Variants in CDH13 observed in about 807,000 individuals in gnomAD.
CDH13 encodes the protein cadherin 13, also known as cadherin-13.
CDH13 carries 24 observed loss-of-function variants against 63.8 expected under a neutral mutation model. That is an observed-to-expected ratio of 0.38 (90% confidence interval 0.27 to 0.53). The LOEUF is 0.53. Ranked by LOEUF, CDH13 falls within the 20% of genes least tolerant of loss-of-function variation. The pLI is 0.85. For synonymous variants in CDH13, 503 were observed against 355.3 expected (o/e 1.42, Z -4.67); for missense variants, 1,049 against 903.1 (o/e 1.16, Z -2.07).
intron 9 of CDH13, among the ~76,000 whole-genome samples, chr16:83,675,436 C>T (rs1242359173): frequency 2.6e-5 from 4 of 152,204 alleles, no homozygotes; most frequent in African/African-American, 4.8e-5. Context: ...TCCTGCATGG[C>T]ATAGTTCCTC....
At chr16:83,152,738 T>C (rs1280657048) in intron 4 of CDH13, among the ~76,000 whole-genome samples, 2 of 152,236 alleles carry the variant, frequency 1.3e-5, no homozygotes, top group Non-Finnish European at 2.9e-5. Flanking sequence ...AACCCATGTG[T>C]TGAAGTCCTA....
intron 6 of CDH13, among the ~76,000 whole-genome samples, chr16:83,381,088 C>G (rs546702529): frequency 2.6e-5 from 4 of 152,142 alleles, no homozygotes; most frequent in Admixed American, 6.5e-5. Flanking sequence ...CTTTCTTGTT[C>G]CAGGAAACAT....
chr16:83,545,564 A>G (rs2075372548), intron 7 of CDH13, among the ~76,000 whole-genome samples: 2 of 152,136 alleles, frequency 1.3e-5, no homozygotes, highest in South Asian at 2.1e-4. Flanking sequence ...CCTCCAGTCC[A>G]TTACCCTTGC....
At chr16:82,780,477 ACT>A (rs948967214) in intron 1 of CDH13, among the ~76,000 whole-genome samples, 1 of 151,998 alleles carries the variant, frequency 6.6e-6, no homozygotes, top group Non-Finnish European at 1.5e-5. Flanking sequence ...TTTTCAACTG[ACT>A]CTTCCCCTCT....
Position 83,351,065 on chromosome 16 carries a change from G to A in CDH13, c.781+6059G>A, listed in dbSNP as rs140249880. Reference sequence around the variant, plus strand: ...TAGTTGATATTTGACACCTAGCTCAGCCGATGGTGTTCAGGTTGTTGCTAT... The same window carrying A: ...TAGTTGATATTTGACACCTAGCTCAACCGATGGTGTTCAGGTTGTTGCTAT... On this transcript the variant is annotated intron_variant, in intron 6 of 13. Coordinates refer to ENST00000567109, the MANE Select transcript of CDH13 (RefSeq NM_001257.5). 1.1e-3 allele frequency among the ~76,000 whole-genome samples: 175 copies of A among 152,316 alleles called. 2 individuals are homozygous for A. The highest frequency in any genetic ancestry group is 4.8e-3 in the South Asian group (23 of 4,822).
At chr16:83,006,932 G>GTTT (rs369288331) in intron 2 of CDH13, among the ~76,000 whole-genome samples, 1,611 of 121,732 alleles carry the variant, frequency 0.013, 35 homozygotes, top group Non-Finnish European at 0.019. Flanking sequence ...TTGTTTGTTT[G>GTTT]TTTTTTTTGA....
At chr16:83,716,145 T>C (rs1199403066) in intron 10 of CDH13, among the ~76,000 whole-genome samples, 1 of 152,120 alleles carries the variant, frequency 6.6e-6, no homozygotes, top group South Asian at 2.1e-4. Context: ...CACAGCAAAA[T>C]TGAGCAGAAG....
intron 2 of CDH13, among the ~76,000 whole-genome samples, chr16:82,930,873 C>T (rs1240266449): frequency 6.6e-6 from 1 of 152,166 alleles, no homozygotes; most frequent in Non-Finnish European, 1.5e-5. Flanking sequence ...AATCACTCCT[C>T]TTCCCAAATT....
rs762287318 is a variant in CDH13, at chr16:83,342,131, G to C, written c.637-2731G>C. 6.6e-5 allele frequency among the ~76,000 whole-genome samples: 10 copies of C among 151,870 alleles called. No individual in the cohort carries two copies. In the East Asian group the frequency reaches 1.9e-3, roughly 29 times the overall value. ...CATGTGGCTACTGAGCACTCAAAAC[G>C]TTCCTAGTTTGACTGGAGTACTGAG... On this transcript the variant is annotated intron_variant, in intron 5 of 13. Coordinates refer to ENST00000567109, the MANE Select transcript of CDH13 (RefSeq NM_001257.5).
At chr16:83,778,562 G>A (rs1175515686) in intron 11 of CDH13, among the ~76,000 whole-genome samples, 1 of 151,950 alleles carries the variant, frequency 6.6e-6, no homozygotes, top group Non-Finnish European at 1.5e-5. Flanking sequence ...TATTAGATTG[G>A]TGATTATGAG....
intron 2 of CDH13, chr16:82,990,372 C>G (rs1338017898): frequency 1.3e-5 from 2 of 152,214 alleles, no homozygotes; most frequent in Middle Eastern, 3.1e-3. Flanking sequence ...TCCCACTCAT[C>G]TTGGCCTACC....
chr16:83,783,091 A>T (rs1173813951), intron 12 of CDH13, among the ~76,000 whole-genome samples, 163 bp from the exon 13 acceptor site: 1 of 152,180 alleles, frequency 6.6e-6, no homozygotes, highest in Non-Finnish European at 1.5e-5. Flanking sequence ...TGAGGATCTG[A>T]ACTGGTATTT....
chr16:82,865,581 C>T lies in CDH13; in HGVS notation c.157+7108C>T, dbSNP rs78687455. Among the ~76,000 whole-genome samples the T allele has an allele frequency of 9.4e-3, 1,424 of 152,298 alleles. 24 individuals are homozygous for T. The highest frequency in any genetic ancestry group is 0.032 in the African/African-American group (1,339 of 41,562). ...AAATGCAGGGCTCCAAGTCCTGAGA[C>T]GGCACAAAGCAGCAAGGCCCTGGGT... On this transcript the variant is annotated intron_variant, in intron 2 of 13. Transcript: ENST00000567109.
intron 4 of CDH13, among the ~76,000 whole-genome samples, chr16:83,131,149 A>T (rs1187654325): frequency 7.0e-6 from 1 of 142,806 alleles, no homozygotes; most frequent in Non-Finnish European, 1.5e-5. Flanking sequence ...CTACTCACTT[A>T]GATAGCAGGT....
intron 2 of CDH13, among the ~76,000 whole-genome samples, chr16:83,011,693 C>A (rs1022781016): frequency 6.6e-6 from 1 of 152,202 alleles, no homozygotes; most frequent in Non-Finnish European, 1.5e-5. Flanking sequence ...TACCACCTTT[C>A]CGGCCCTTTC....
intron 6 of CDH13, among the ~76,000 whole-genome samples, chr16:83,457,115 C>G (rs557912043): frequency 4.1e-4 from 62 of 152,294 alleles, no homozygotes; most frequent in African/African-American, 1.3e-3. Context: ...AGCCAAAACA[C>G]CTGGGCACCG....
At chr16:83,013,697 G>A (rs1914389978) in intron 2 of CDH13, among the ~76,000 whole-genome samples, 2 of 152,210 alleles carry the variant, frequency 1.3e-5, no homozygotes, top group African/African-American at 4.8e-5. Context: ...GAGACAATCT[G>A]ACAGATCACA....
intron 1 of CDH13, among the ~76,000 whole-genome samples, chr16:82,819,789 A>G (rs2037912440): frequency 6.6e-6 from 1 of 152,232 alleles, no homozygotes; most frequent in Non-Finnish European, 1.5e-5. Context: ...CAATGAATAA[A>G]TACGGCAAAG....
At chr16:83,096,936 A>G (rs1392904378) in intron 3 of CDH13, among the ~76,000 whole-genome samples, 2 of 151,868 alleles carry the variant, frequency 1.3e-5, no homozygotes, top group African/African-American at 4.8e-5. Flanking sequence ...CTCATAAAAT[A>G]TTTTTTTTCT....
Sources: gnomAD v4.1 joint callset for allele counts (sites outside exome capture counted in the v4.1 genomes callset) on GRCh38, gnomAD v4.1.1 for gene constraint, MANE v1.5 for transcripts, NCBI Gene and HGNC (gene_info 2026-07-23, HGNC 2026-07-21) for gene names.